PARD3B: variants seen among roughly 807,000 people sequenced by gnomAD.
The protein encoded by PARD3B is partitioning defective 3 homolog B.
In PARD3B, 103 loss-of-function variants were observed where a neutral mutation model predicts 130.2. That is an observed-to-expected ratio of 0.79 (90% CI 0.67 to 0.93). The LOEUF (loss-of-function observed/expected upper bound fraction) is 0.93. Among genes scored for constraint, PARD3B ranks in the 40% least tolerant of loss-of-function variants. PARD3B has a pLI of 0.00. For missense variants in PARD3B, 1,609 were observed against 1,499.2 expected, an observed-to-expected ratio of 1.07 and a Z score of -1.21; for synonymous variants, 583 against 553.2, an observed-to-expected ratio of 1.05 and a Z score of -0.76.
At chr2:204,667,850 CA>C (rs1357864269) in intron 1 of PARD3B, among the ~76,000 whole-genome samples, 5 of 152,102 alleles carry the variant, frequency 3.3e-5, no homozygotes, top group African/African-American at 1.2e-4. Context: ...GGTTTGTTAA[CA>C]AGCCATATAA....
rs80039968 is a variant in PARD3B at position 204,652,810 on chromosome 2, T to A, written c.121-33371T>A. Among the ~76,000 whole-genome samples, 1,397 of 151,366 alleles carry A rather than the reference T, an allele frequency of 9.2e-3. 36 individuals carry two copies. Among genetic ancestry groups the A allele is most frequent in the Non-Finnish European group, 8.2e-3 (557 of 68,010 alleles). On this transcript the variant is annotated intron_variant, in intron 1 of 22. Transcript: ENST00000406610. ...GCATGAATGGGAGGACTCAGGGAAC[T>A]TACAACCATGGTGGAAGGTGACAGG...
At chr2:204,857,396 G>A (rs62179368) in intron 2 of PARD3B, among the ~76,000 whole-genome samples, 1,538 of 152,198 alleles carry the variant, frequency 0.01, 20 homozygotes, top group Middle Eastern at 0.031. Context: ...GTAGGGGAAG[G>A]AAAATTTGTT....
At chr2:205,148,744 A>G (rs892156604) in intron 10 of PARD3B, among the ~76,000 whole-genome samples, 44 of 152,296 alleles carry the variant, frequency 2.9e-4, no homozygotes, top group African/African-American at 1.0e-3. Flanking sequence ...TAAAAAAAAA[A>G]AGCTCTTTTG....
intron 1 of PARD3B, among the ~76,000 whole-genome samples, chr2:204,650,494 A>G (rs1171999299): frequency 6.6e-6 from 1 of 152,188 alleles, no homozygotes; most frequent in Non-Finnish European, 1.5e-5. Flanking sequence ...CATGGAATCA[A>G]CCTAAATGCC....
intron 4 of PARD3B, among the ~76,000 whole-genome samples, chr2:205,056,562 G>A (rs1007101149): frequency 2.0e-5 from 3 of 151,298 alleles, no homozygotes; most frequent in Non-Finnish European, 4.4e-5. Flanking sequence ...TGGAGAATCC[G>A]AAGCCTTCTG....
intron 22 of PARD3B, among the ~76,000 whole-genome samples, chr2:205,608,043 T>C (rs1010063083): frequency 2.0e-5 from 3 of 152,186 alleles, no homozygotes; most frequent in African/African-American, 7.2e-5. Context: ...GGTAAAGATG[T>C]GGCCATGATG....
At chr2:204,579,746 C>G (rs1272299025) in intron 1 of PARD3B, among the ~76,000 whole-genome samples, 2 of 152,244 alleles carry the variant, frequency 1.3e-5, no homozygotes, top group Non-Finnish European at 2.9e-5. Flanking sequence ...TCATTCCTCC[C>G]CTCTACCCAG....
intron 2 of PARD3B, among the ~76,000 whole-genome samples, chr2:204,929,335 A>G (rs985964777): frequency 6.6e-6 from 1 of 152,114 alleles, no homozygotes; most frequent in Non-Finnish European, 1.5e-5. Flanking sequence ...ATTCTCAGTA[A>G]TCTAAACGTC....
At chr2:205,073,298 T>A (rs1336016747) in intron 4 of PARD3B, among the ~76,000 whole-genome samples, 1 of 152,182 alleles carries the variant, frequency 6.6e-6, no homozygotes, top group Non-Finnish European at 1.5e-5. Context: ...CACCATCCCT[T>A]TGCTTAAAGT....
At chr2:205,319,891 A>G (rs1362271658) in intron 18 of PARD3B, among the ~76,000 whole-genome samples, 1 of 152,090 alleles carries the variant, frequency 6.6e-6, no homozygotes, top group Non-Finnish European at 1.5e-5. Context: ...TTATTTTGAA[A>G]AACTCGGCCG....
At chr2:205,569,994 GC>G (rs1252812980) in intron 22 of PARD3B, among the ~76,000 whole-genome samples, 1 of 152,090 alleles carries the variant, frequency 6.6e-6, no homozygotes, top group East Asian at 1.9e-4. Context: ...CTCTAAGCAT[GC>G]TCCTCAGAGA....
intron 2 of PARD3B, among the ~76,000 whole-genome samples, chr2:204,899,268 T>G (rs916570083): frequency 7.7e-6 from 1 of 129,556 alleles, no homozygotes; most frequent in African/African-American, 2.9e-5. Flanking sequence ...CTTCCTTCCT[T>G]CCTTCCTTCC....
intron 4 of PARD3B, among the ~76,000 whole-genome samples, chr2:205,069,919 G>A (rs1007967294): frequency 2.0e-5 from 3 of 152,096 alleles, no homozygotes; most frequent in African/African-American, 7.2e-5. Flanking sequence ...CCACTATCAA[G>A]GCTACTCTTA....
At chr2:204,968,998 G>A (rs1675066773) in intron 3 of PARD3B, among the ~76,000 whole-genome samples, 1 of 152,144 alleles carries the variant, frequency 6.6e-6, no homozygotes, top group Non-Finnish European at 1.5e-5. Flanking sequence ...GAACCCTGGG[G>A]ATTCAGCCCT....
rs184206262 is a variant in PARD3B at position 204,923,036 on chromosome 2, C to T, written c.223-42116C>T. ...AACCTGAGAAGTGGCCTATGTCTGT[C>T]TGCCTCTTAGCTACCTCTGACTGCT... On this transcript the variant is annotated intron_variant, in intron 2 of 22. Coordinates refer to ENST00000406610, the MANE Select transcript of PARD3B (RefSeq NM_001302769.2). 3.5e-3 allele frequency among the ~76,000 whole-genome samples: 530 copies of T among 152,236 alleles called. 1 individual carries two copies. Among genetic ancestry groups the T allele is most frequent in the Non-Finnish European group, 6.3e-3 (428 of 67,976 alleles).
intron 20 of PARD3B, among the ~76,000 whole-genome samples, chr2:205,491,649 TG>T (rs1283182144): frequency 6.6e-6 from 1 of 152,268 alleles, no homozygotes; most frequent in East Asian, 1.9e-4. Context: ...CTTGATTCAT[TG>T]GGTCAAGGTC....
At chr2:204,899,307 T>A (rs2046773648) in intron 2 of PARD3B, among the ~76,000 whole-genome samples, 1 of 147,788 alleles carries the variant, frequency 6.8e-6, no homozygotes. Flanking sequence ...CCTTCCTTGC[T>A]GTCTTCCTTT....
At chr2:205,600,128 TG>T (rs1448789681) in intron 22 of PARD3B, among the ~76,000 whole-genome samples, 2 of 152,220 alleles carry the variant, frequency 1.3e-5, no homozygotes, top group African/African-American at 4.8e-5. Flanking sequence ...ACTATTGGAA[TG>T]GTCCATTGGA....
At chr2:205,114,753 CTT>C (rs5837954) in intron 6 of PARD3B, among the ~76,000 whole-genome samples, 127 of 144,426 alleles carry the variant, frequency 8.8e-4, no homozygotes, top group Middle Eastern at 3.6e-3. Context: ...AAGTCATCAC[CTT>C]TTTTTTTTTT....
Sources: gnomAD v4.1 joint callset for allele counts (sites outside exome capture counted in the v4.1 genomes callset) on GRCh38, gnomAD v4.1.1 for gene constraint, MANE v1.5 for transcripts, NCBI Gene and HGNC (gene_info 2026-07-23, HGNC 2026-07-21) for gene names.